Variants in ZBTB40 observed in about 807,000 individuals in gnomAD.
The protein encoded by ZBTB40 is zinc finger and BTB domain containing 40, also known as zinc finger and BTB domain-containing protein 40.
Under a neutral mutation model 117.5 loss-of-function variants are expected in ZBTB40, and 60 were observed. That is an observed-to-expected ratio of 0.51 (90% CI 0.41 to 0.63). ZBTB40 has a LOEUF of 0.63. Among genes scored for constraint, ZBTB40 ranks in the 30% least tolerant of loss-of-function variants. The probability of loss-of-function intolerance (pLI) is 0.00; values close to 1 mark genes in which losing one functional copy is unlikely to be tolerated. For synonymous variants in ZBTB40, 525 were observed against 577.1 expected (o/e 0.91, Z 1.29); for missense variants, 1,287 against 1,498.5 (o/e 0.86, Z 2.33).
intron 1 of ZBTB40, among the ~76,000 whole-genome samples, chr1:22,436,231 GC>G (rs769445999): frequency 6.6e-6 from 1 of 152,188 alleles, no homozygotes; most frequent in Non-Finnish European, 1.5e-5. Context: ...AAATACTCAT[GC>G]CGGACGCGGT....
chr1:22,452,158 C>A (rs2124376299), intron 1 of ZBTB40, among the ~76,000 whole-genome samples, 154 bp downstream of exon 1: 1 of 152,308 alleles, frequency 6.6e-6, no homozygotes, highest in East Asian at 1.9e-4. Context: ...ACACCCCGGA[C>A]GTGCCCCCTC....
intron 1 of ZBTB40, among the ~76,000 whole-genome samples, chr1:22,486,746 T>C (rs1638483381): frequency 8.6e-6 from 1 of 116,798 alleles, no homozygotes; most frequent in Non-Finnish European, 1.8e-5. Flanking sequence ...TGTTTTGTTT[T>C]GTTTTTTGAG....
chr1:22,501,596 G>A lies in ZBTB40; in HGVS notation c.936G>A (p.Leu312=). 1 of 1,614,142 alleles carries A rather than the reference G, an allele frequency of 6.2e-7. No homozygotes were observed. The highest frequency in any genetic ancestry group is 8.5e-7 in the Non-Finnish European group (1 of 1,180,014). Residue 312 remains leucine (L), a synonymous_variant, in exon 4 of 18, where the codon CTG becomes CTA. Coordinates refer to ENST00000375647, the MANE Select transcript of ZBTB40 (RefSeq NM_014870.4). ...TGGATGTTCAAACTGTTGTGTCCCT[G>A]TTGAGGCTGTACCAATATTCTAATC... The part of the protein sequence containing the change: ...ESLDVQTVVS[L]LRLYQYSNPA...
intron 3 of ZBTB40, among the ~76,000 whole-genome samples, chr1:22,497,379 T>C (rs1032667804): frequency 4.6e-5 from 7 of 152,112 alleles, no homozygotes; most frequent in African/African-American, 1.7e-4. Context: ...TGCAGATCTG[T>C]GTTTGGAGGG....
chr1:22,438,162 C>T (rs1169571248), intron 1 of ZBTB40, among the ~76,000 whole-genome samples: 2 of 151,900 alleles, frequency 1.3e-5, no homozygotes, highest in Admixed American at 6.6e-5. Context: ...ACTCTATACC[C>T]ATTAAACAAT....
intron 13 of ZBTB40, among the ~76,000 whole-genome samples, chr1:22,517,953 G>A (rs1017258516): frequency 6.6e-6 from 1 of 152,230 alleles, no homozygotes; most frequent in African/African-American, 2.4e-5. Context: ...AGTTAGTGGG[G>A]TCTGCCCCTG....
intron 17 of ZBTB40, 100 bp downstream of exon 17, chr1:22,524,544 G>T: frequency 1.6e-6 from 2 of 1,289,392 alleles, no homozygotes; most frequent in Non-Finnish European, 2.2e-6. Flanking sequence ...ACTCTTTGGG[G>T]ATCTTGTAGA....
intron 4 of ZBTB40, 93 bp from the exon 5 acceptor site, chr1:22,502,206 A>T: frequency 6.9e-7 from 1 of 1,443,518 alleles, no homozygotes; most frequent in Non-Finnish European, 9.5e-7. Flanking sequence ...AAATCACTTT[A>T]CTATTCTGTT....
chr1:22,457,571 C>A (rs1004758757), intron 1 of ZBTB40, among the ~76,000 whole-genome samples: 9 of 152,076 alleles, frequency 5.9e-5, no homozygotes, highest in African/African-American at 2.2e-4. Context: ...TGGAACAGGA[C>A]CAAACAGTAG....
intron 1 of ZBTB40, among the ~76,000 whole-genome samples, chr1:22,452,367 A>C (rs892793348): frequency 6.6e-6 from 1 of 152,232 alleles, no homozygotes; most frequent in African/African-American, 2.4e-5. Context: ...GCCGGGCGTC[A>C]GCGGACTATG....
At chr1:22,470,312 C>T (rs568115585) in intron 1 of ZBTB40, among the ~76,000 whole-genome samples, 4 of 152,110 alleles carry the variant, frequency 2.6e-5, no homozygotes, top group East Asian at 1.9e-4. Flanking sequence ...CATTTGGTAT[C>T]GATAAGTTTT....
intron 12 of ZBTB40, among the ~76,000 whole-genome samples, chr1:22,515,265 G>A (rs910312233): frequency 2.6e-5 from 4 of 152,212 alleles, no homozygotes; most frequent in Non-Finnish European, 5.9e-5. Flanking sequence ...ACGAGGAAGA[G>A]CATTAAGAGA....
At chr1:22,520,407 A>C (rs1245908511) in intron 14 of ZBTB40, 132 bp downstream of exon 14, 14 of 773,416 alleles carry the variant, frequency 1.8e-5, no homozygotes, top group East Asian at 5.3e-5. Context: ...GCTGATTCTC[A>C]TGAAGGATGC....
intron 1 of ZBTB40, among the ~76,000 whole-genome samples, chr1:22,487,803 A>G (rs909620892): frequency 3.9e-5 from 6 of 152,074 alleles, no homozygotes; most frequent in African/African-American, 1.2e-4. Flanking sequence ...AAATGCCTCA[A>G]TGGCTGCTCA....
In ZBTB40 at chr1:22,517,328, T is replaced by A. The variant is rs376904153; in HGVS notation, c.2697T>A (p.Asp899Glu). The A allele has an allele frequency of 1.1e-5, 17 of 1,614,080 alleles. No individual in the cohort carries two copies. The highest frequency in any genetic ancestry group is 1.3e-5 in the Non-Finnish European group (15 of 1,180,048). Residue 899 changes from aspartate to glutamate, a missense_variant, in exon 13 of 18, where the codon GAT becomes GAA. Asp to Glu is a conservative substitution (Grantham distance 45, BLOSUM62 2). Around this residue, in one of 2 missense-constraint regions of ZBTB40, gnomAD observed 417 missense variants for 564.1 expected, o/e 0.74. Transcript: ENST00000375647. ...AAATGTATGCATGCCAGTACTGTGA[T>A]GCTGTGTTTGCCCAGTCTATTGAGC... Reference protein sequence around the residue: ...EGKMYACQYCDAVFAQSIELS... With the variant: ...EGKMYACQYCEAVFAQSIELS...
At chr1:22,518,452 A>G (rs1639433480) in intron 13 of ZBTB40, among the ~76,000 whole-genome samples, 1 of 152,208 alleles carries the variant, frequency 6.6e-6, no homozygotes, top group African/African-American at 2.4e-5. Flanking sequence ...TACTGTTATT[A>G]TTGGTGACAA....
At chr1:22,522,307 G>A (rs993186476) in intron 15 of ZBTB40, 70 bp from the exon 16 acceptor site, 3 of 1,495,556 alleles carry the variant, frequency 2.0e-6, no homozygotes, top group East Asian at 4.5e-5. Flanking sequence ...CCCCAGCCCT[G>A]TTACTCTTCA....
At chr1:22,433,629 G>A (rs1447779349) in intron 1 of ZBTB40, among the ~76,000 whole-genome samples, 3 of 146,516 alleles carry the variant, frequency 2.0e-5, no homozygotes, top group Admixed American at 1.4e-4. Context: ...ATATACGGGG[G>A]TGGAGGGTTA....
chr1:22,491,468 A>T lies in ZBTB40; in HGVS notation c.766A>T (p.Met256Leu). The T allele has an allele frequency of 6.2e-7, 1 of 1,614,046 alleles. No homozygotes were observed. The highest frequency in any genetic ancestry group is 1.1e-5 in the South Asian group (1 of 91,076). The change falls in exon 3 of 18, where the codon ATG becomes TTG. Residue 256 changes from methionine to leucine, a missense_variant. Around this residue, in one of 2 missense-constraint regions of ZBTB40, gnomAD observed 870 missense variants for 934.4 expected, o/e 0.93. Coordinates refer to ENST00000375647, the MANE Select transcript of ZBTB40 (RefSeq NM_014870.4). ...TGAAGGTGTCTTCTCAGATGCACTC[A>T]TGGTTACCCAGGATGTTTTAAAAAA... ...ENEGVFSDAL[M>L]VTQDVLKKLE...
Sources: allele counts gnomAD v4.1 joint callset (sites outside exome capture counted in the v4.1 genomes callset), GRCh38; gene constraint gnomAD v4.1.1; regional missense constraint gnomAD v4.1.1; transcripts MANE v1.5; gene names NCBI Gene and HGNC (gene_info 2026-07-23, HGNC 2026-07-21).